WIPF3: variants seen among roughly 807,000 people sequenced by gnomAD.
WIPF3 encodes WAS/WASL interacting protein family member 3.
Under a neutral mutation model 38.9 loss-of-function variants are expected in WIPF3, and 33 were observed. The observed-to-expected ratio is 0.85, with a 90% CI of 0.64 to 1.14. The LOEUF (loss-of-function observed/expected upper bound fraction) is 1.14, where lower values mean the gene tolerates loss of function less well. Ranked by LOEUF, WIPF3 falls within the 50% of genes most tolerant of loss-of-function variation. The probability of loss-of-function intolerance (pLI) is 0.00; values close to 1 mark genes in which losing one functional copy is unlikely to be tolerated. For synonymous variants in WIPF3, 324 were observed against 269.3 expected (o/e 1.20, Z -1.99); for missense variants, 711 against 652.5 (o/e 1.09, Z -0.98).
chr7:29,817,456 TA>T (rs1244570926), intron 1 of WIPF3, among the ~76,000 whole-genome samples: 1 of 152,150 alleles, frequency 6.6e-6, no homozygotes, highest in Non-Finnish European at 1.5e-5. Flanking sequence ...CTCATATTTT[TA>T]GTATGATTAT....
chr7:29,873,384 A>G (rs1002934881), intron 2 of WIPF3, among the ~76,000 whole-genome samples: 2 of 152,184 alleles, frequency 1.3e-5, no homozygotes, highest in Non-Finnish European at 2.9e-5. Context: ...TTTTTTCCCC[A>G]AATTCCCTGA....
chr7:29,816,021 C>A (rs959088594), intron 1 of WIPF3, among the ~76,000 whole-genome samples: 1 of 152,144 alleles, frequency 6.6e-6, no homozygotes, highest in Admixed American at 6.5e-5. Flanking sequence ...CCATTTTAAT[C>A]TTTTTCTTTA....
intron 2 of WIPF3, among the ~76,000 whole-genome samples, chr7:29,860,788 G>T (rs936076790): frequency 6.6e-6 from 1 of 152,160 alleles, no homozygotes; most frequent in African/African-American, 2.4e-5. Context: ...TTGGAGGCAC[G>T]GTTGATAGGT....
chr7:29,914,931 AT>A lies in WIPF3; in HGVS notation c.*416del. On this transcript the variant is annotated 3_prime_UTR_variant, in exon 9 of 9. Coordinates refer to ENST00000242140, the MANE Select transcript of WIPF3 (RefSeq NM_001080529.3). ...CTTATTGGCATAATTTCATATTCTCATCACACTAACTGCAAAATCAAACCAA... is the reference window on the plus strand; with the variant it reads ...CTTATTGGCATAATTTCATATTCTCACACACTAACTGCAAAATCAAACCAA... 1 of 154,184 alleles carries A rather than the reference AT, an allele frequency of 6.5e-6. No homozygotes were observed. The highest frequency in any genetic ancestry group is 1.9e-4 in the East Asian group (1 of 5,284). The allele number at this position is 154,184 out of a possible 1,614,324, so 9.6% of individuals were successfully genotyped here.
intron 2 of WIPF3, among the ~76,000 whole-genome samples, chr7:29,867,122 A>G (rs1044131964): frequency 6.6e-6 from 1 of 152,160 alleles, no homozygotes; most frequent in African/African-American, 2.4e-5. Flanking sequence ...ATTTCTTTTT[A>G]TTATTGGTAT....
At chr7:29,914,440 A>ATG in intron 8 of WIPF3, 53 bp from the exon 9 acceptor site, 3 of 1,399,998 alleles carry the variant, frequency 2.1e-6, no homozygotes, top group Non-Finnish European at 2.8e-6. Context: ...GAAGGCTTTC[A>ATG]TGTGCAAGAG....
chr7:29,837,355 CA>C (rs1784822391), intron 2 of WIPF3, among the ~76,000 whole-genome samples: 1 of 151,916 alleles, frequency 6.6e-6, no homozygotes, highest in African/African-American at 2.4e-5. Context: ...GACTCCGTCT[CA>C]AAAAAACAAA....
chr7:29,823,554 G>A lies in WIPF3; in HGVS notation c.-57-11114G>A, dbSNP rs1042282097. On this transcript the variant is annotated intron_variant, in intron 1 of 8. Coordinates refer to ENST00000242140, the MANE Select transcript of WIPF3 (RefSeq NM_001080529.3). The surrounding 1 kb of genome is among the most constrained non-coding windows in gnomAD (Gnocchi z 4.0). ...AACAAGGTTTGTCTCCATCTTTTGC[G>A]GGAGCCTGATTCCTTGTTTATATGC... is the stretch of plus-strand genomic sequence containing the variant. 6.6e-6 allele frequency among the ~76,000 whole-genome samples: 1 copy of A among 152,062 alleles called. No individual in the cohort carries two copies. Among genetic ancestry groups the A allele is most frequent in the Admixed American group, 6.6e-5 (1 of 15,260 alleles).
chr7:29,837,784 C>A (rs1185878332), intron 2 of WIPF3, among the ~76,000 whole-genome samples: 1 of 152,152 alleles, frequency 6.6e-6, no homozygotes, highest in Non-Finnish European at 1.5e-5. Context: ...AAGATGGGCA[C>A]AGGATATGAT....
intron 2 of WIPF3, among the ~76,000 whole-genome samples, chr7:29,861,127 G>A (rs78950435): frequency 0.013 from 1,912 of 152,204 alleles, 43 homozygotes; most frequent in African/African-American, 0.044. Flanking sequence ...GTAGATTCTA[G>A]GTGTTTCAGC....
chr7:29,854,803 G>A (rs1287471854), intron 2 of WIPF3, among the ~76,000 whole-genome samples: 1 of 152,192 alleles, frequency 6.6e-6, no homozygotes, highest in Non-Finnish European at 1.5e-5. Context: ...TATTTAGAGA[G>A]AGGGCCTTTG....
chr7:29,825,352 G>GA (rs1035543226), intron 1 of WIPF3, among the ~76,000 whole-genome samples: 1 of 151,784 alleles, frequency 6.6e-6, no homozygotes, highest in African/African-American at 2.4e-5. Context: ...AAAGTTGAAG[G>GA]AAAAAAAATA....
chr7:29,838,664 C>A (rs77874228), intron 2 of WIPF3, among the ~76,000 whole-genome samples: 1,538 of 152,164 alleles, frequency 0.01, 36 homozygotes, highest in East Asian at 0.084. Context: ...TTGATATAAA[C>A]CCTTTGGAAA....
At chr7:29,814,213 G>T (rs985625641) in intron 1 of WIPF3, among the ~76,000 whole-genome samples, 2 of 152,172 alleles carry the variant, frequency 1.3e-5, no homozygotes, top group African/African-American at 4.8e-5. Context: ...CGGTTATTAT[G>T]ATTACTCATA....
At chr7:29,909,717 G>A (rs563355999) in intron 8 of WIPF3, among the ~76,000 whole-genome samples, 4 of 152,072 alleles carry the variant, frequency 2.6e-5, no homozygotes, top group South Asian at 2.1e-4. Flanking sequence ...ACAACATAGC[G>A]AACCCTGTCT....
chr7:29,820,396 G>A (rs951684159), intron 1 of WIPF3, among the ~76,000 whole-genome samples: 1 of 152,034 alleles, frequency 6.6e-6, no homozygotes, highest in Non-Finnish European at 1.5e-5. Context: ...CTATTTATGT[G>A]TATTGATATG....
chr7:29,824,941 C>T (rs766452403), intron 1 of WIPF3, among the ~76,000 whole-genome samples: 19 of 152,144 alleles, frequency 1.2e-4, no homozygotes, highest in Non-Finnish European at 2.4e-4. Flanking sequence ...AACCTAAAGT[C>T]GCACCCAAAA....
chr7:29,899,676 A>T (rs1170476565), intron 7 of WIPF3, among the ~76,000 whole-genome samples: 3 of 152,258 alleles, frequency 2.0e-5, no homozygotes, highest in African/African-American at 4.8e-5. Flanking sequence ...CACACAATGG[A>T]ACGCTATGTA....
In WIPF3 at chr7:29,878,782, GGTTA is replaced by G. The variant is rs1354250563; in HGVS notation, c.224-223_224-220del. 3.3e-5 allele frequency among the ~76,000 whole-genome samples: 5 copies of G among 152,302 alleles called. No individual in the cohort carries two copies. In the South Asian group the frequency reaches 8.3e-4, roughly 25 times the overall value. On this transcript the variant is annotated intron_variant, in intron 3 of 8. Transcript: ENST00000242140. The surrounding 1 kb of genome is among the most constrained non-coding windows in gnomAD (Gnocchi z 4.0). ...CTTTTCAGGGGAGCTGGGCACAGAT[GGTTA>G]GTTCTTTGGTAGGACTGGAGAGGGC... is the stretch of plus-strand genomic sequence containing the variant.
Sources: gnomAD v4.1 joint callset for allele counts (sites outside exome capture counted in the v4.1 genomes callset) on GRCh38, gnomAD v4.1.1 for gene constraint, Gnocchi (gnomAD v3.1) non-coding constraint, MANE v1.5 for transcripts, NCBI Gene and HGNC (gene_info 2026-07-23, HGNC 2026-07-21) for gene names.